SLC38A4: variants seen among roughly 807,000 people sequenced by gnomAD.
SLC38A4 encodes the protein solute carrier family 38 member 4.
In SLC38A4, 20 loss-of-function variants were observed where a neutral mutation model predicts 63.1. That is an observed-to-expected ratio of 0.32 (90% CI 0.22 to 0.46). The LOEUF (loss-of-function observed/expected upper bound fraction) is 0.46. Among genes scored for constraint, SLC38A4 ranks in the 20% least tolerant of loss-of-function variants. SLC38A4 has a pLI of 1.00. For missense variants in SLC38A4, 526 were observed against 663.6 expected (o/e 0.79, Z 2.28); for synonymous variants, 230 against 225.5 (o/e 1.02, Z -0.18).
At chr12:46,805,230 T>C (rs932433806) in intron 1 of SLC38A4, among the ~76,000 whole-genome samples, 2 of 151,998 alleles carry the variant, frequency 1.3e-5, no homozygotes, top group African/African-American at 4.8e-5. Flanking sequence ...TAAATTAGCA[T>C]TGGATAAAAA....
chr12:46,781,395 T>A (rs1481142055), intron 7 of SLC38A4, among the ~76,000 whole-genome samples: 1 of 152,058 alleles, frequency 6.6e-6, no homozygotes, highest in African/African-American at 2.4e-5. Context: ...ATATTTCTGA[T>A]TAGCTGGCTT....
At chr12:46,824,304 AC>A (rs1200607848) in intron 1 of SLC38A4, 1 of 152,234 alleles carries the variant, frequency 6.6e-6, no homozygotes, top group Non-Finnish European at 1.5e-5. Context: ...CTAAGTACAT[AC>A]TTTTTTTCTG....
At chr12:46,803,507 C>T (rs1483576049) in intron 2 of SLC38A4, 96 bp downstream of exon 2, 1 of 151,942 alleles carries the variant, frequency 6.6e-6, no homozygotes, top group Non-Finnish European at 1.5e-5. Flanking sequence ...TATTTTCAAA[C>T]ATTTTAATTT....
intron 2 of SLC38A4, among the ~76,000 whole-genome samples, chr12:46,796,239 C>T (rs985360310): frequency 1.3e-5 from 2 of 152,028 alleles, no homozygotes; most frequent in African/African-American, 4.8e-5. Flanking sequence ...TTGCTCTTAT[C>T]CTCTTTCTCT....
chr12:46,827,427 C>A (rs1939674564), upstream of SLC38A4, among the ~76,000 whole-genome samples: 1 of 152,040 alleles, frequency 6.6e-6, no homozygotes, highest in Non-Finnish European at 1.5e-5. Context: ...GAATAAAAAC[C>A]TGGAATAATA....
At chr12:46,775,735 A>G (rs180416) in intron 13 of SLC38A4, among the ~76,000 whole-genome samples, 100,273 of 151,830 alleles carry the variant, frequency 0.66, 35,277 homozygotes, top group Middle Eastern at 0.81. Context: ...TATAAGTAAC[A>G]TGCAGGGATA....
intron 14 of SLC38A4, among the ~76,000 whole-genome samples, chr12:46,773,922 G>A (rs553819368): frequency 1.7e-4 from 26 of 152,114 alleles, no homozygotes; most frequent in African/African-American, 6.0e-4. Flanking sequence ...ATAAAAAGAA[G>A]GGCTCCAGAT....
intron 1 of SLC38A4, among the ~76,000 whole-genome samples, chr12:46,820,866 C>A (rs80283975): frequency 6.6e-6 from 1 of 151,814 alleles, no homozygotes; most frequent in Non-Finnish European, 1.5e-5. Context: ...TGATAATAGC[C>A]GTCCTAATGT....
At chr12:46,828,038 C>T (rs1939682769), upstream of SLC38A4, among the ~76,000 whole-genome samples, 1 of 152,098 alleles carries the variant, frequency 6.6e-6, no homozygotes, top group Non-Finnish European at 1.5e-5. Context: ...ACACCTCCCT[C>T]CCCAGCCTCC....
At chr12:46,810,399 GC>G (rs1939317015) in intron 1 of SLC38A4, among the ~76,000 whole-genome samples, 1 of 151,814 alleles carries the variant, frequency 6.6e-6, no homozygotes, top group African/African-American at 2.4e-5. Context: ...TGGGTAGGGG[GC>G]TAGGGGAGGG....
intron 3 of SLC38A4, among the ~76,000 whole-genome samples, chr12:46,792,017 G>A (rs1938900385): frequency 6.6e-6 from 1 of 152,152 alleles, no homozygotes; most frequent in South Asian, 2.1e-4. Flanking sequence ...GTGCCCAGCA[G>A]TGTGTGTAAT....
At chr12:46,770,870 G>A (rs1055490394) in intron 14 of SLC38A4, among the ~76,000 whole-genome samples, 1 of 152,076 alleles carries the variant, frequency 6.6e-6, no homozygotes. Flanking sequence ...AAGGTGCAGA[G>A]ATGGGAACTC....
intron 1 of SLC38A4, among the ~76,000 whole-genome samples, chr12:46,812,397 A>G (rs117572361): frequency 0.018 from 2,751 of 152,070 alleles, 42 homozygotes; most frequent in Non-Finnish European, 0.028. Context: ...TTTTATCTAC[A>G]TGAGAAGTCT....
intron 3 of SLC38A4, 27 bp downstream of exon 3, chr12:46,792,926 G>A (rs1938920343): frequency 6.6e-7 from 1 of 1,525,202 alleles, no homozygotes; most frequent in Non-Finnish European, 9.1e-7. Context: ...ATTTTTCCAT[G>A]GAACATAGTA....
At chr12:46,790,427 A>G (rs961536180) in intron 3 of SLC38A4, among the ~76,000 whole-genome samples, 2 of 151,354 alleles carry the variant, frequency 1.3e-5, no homozygotes, top group Non-Finnish European at 2.9e-5. Context: ...ACTGCCCACC[A>G]CTCTTTTGTG....
intron 14 of SLC38A4, among the ~76,000 whole-genome samples, chr12:46,772,257 A>G (rs151077390): frequency 9.1e-4 from 139 of 152,216 alleles, no homozygotes; most frequent in African/African-American, 3.2e-3. Flanking sequence ...TGATAGCAAT[A>G]TACGCTGCAT....
chr12:46,823,172 G>T (rs1407651866), intron 1 of SLC38A4, among the ~76,000 whole-genome samples: 1 of 152,074 alleles, frequency 6.6e-6, no homozygotes, highest in African/African-American at 2.4e-5. Context: ...GTCATCATTA[G>T]TCAAATAAGT....
At chr12:46,822,650 T>C (rs1939573638) in intron 1 of SLC38A4, among the ~76,000 whole-genome samples, 1 of 152,002 alleles carries the variant, frequency 6.6e-6, no homozygotes, top group Non-Finnish European at 1.5e-5. Flanking sequence ...CTGAGGCAAA[T>C]AGAGTAGGTT....
At chr12:46,818,829 G>A (rs1164011635) in intron 1 of SLC38A4, among the ~76,000 whole-genome samples, 2 of 151,908 alleles carry the variant, frequency 1.3e-5, no homozygotes, top group East Asian at 3.9e-4. Context: ...CTTACAGAAA[G>A]TTGAGCAAGT....
Sources: gnomAD v4.1 joint callset for allele counts (sites outside exome capture counted in the v4.1 genomes callset) on GRCh38, gnomAD v4.1.1 for gene constraint, MANE v1.5 for transcripts, NCBI Gene and HGNC (gene_info 2026-07-23, HGNC 2026-07-21) for gene names.